PRH1: variants seen among roughly 807,000 people sequenced by gnomAD.
PRH1 encodes proline rich protein HaeIII subfamily 1.
In PRH1, 7 loss-of-function variants were observed where a neutral mutation model predicts 7.9. That is an observed-to-expected ratio of 0.89 (90% CI 0.50 to 1.67). The LOEUF is 1.67. Among genes scored for constraint, PRH1 ranks in the 40% most tolerant of loss-of-function variants. PRH1 has a pLI of 0.00. For synonymous variants in PRH1, 45 were observed against 80.8 expected, an observed-to-expected ratio of 0.56 and a Z score of 2.38; for missense variants, 109 against 223.6, an observed-to-expected ratio of 0.49 and a Z score of 3.27.
At chr12:11,126,745 T>C (rs1165135198) in intron 1 of PRH1, among the ~76,000 whole-genome samples, 1 of 152,214 alleles carries the variant, frequency 6.6e-6, no homozygotes, top group African/African-American at 2.4e-5. Context: ...TAACCAAACA[T>C]TATGTCAAAT....
chr12:11,149,298 CTGA>C (rs1267556117), intron 1 of PRH1, among the ~76,000 whole-genome samples: 1 of 152,142 alleles, frequency 6.6e-6, no homozygotes, highest in Admixed American at 6.5e-5. Context: ...CAGTTCTGCT[CTGA>C]TTTTAGTTAT....
At chr12:11,027,388 C>A (rs369702148) in intron 1 of PRH1, among the ~76,000 whole-genome samples, 7,330 of 88,786 alleles carry the variant, frequency 0.083, no homozygotes, top group East Asian at 0.14. Context: ...GAAAAGAAAT[C>A]AACCTGAGAA....
chr12:11,040,873 G>A (rs553678800), intron 1 of PRH1, among the ~76,000 whole-genome samples: 37 of 152,090 alleles, frequency 2.4e-4, no homozygotes, highest in Non-Finnish European at 5.0e-4. Flanking sequence ...GTACTAAGTG[G>A]TTATTAGCTT....
rs1447599116 is a variant in PRH1, at chr12:11,091,113, C to CATATATATATAT, written n.124-43926_124-43925insATATATATATAT. 5.0e-3 allele frequency among the ~76,000 whole-genome samples: 28 copies of CATATATATATAT among 5,652 alleles called. 3 individuals carry two copies. The highest frequency in any genetic ancestry group is 6.8e-3 in the African/African-American group (26 of 3,832). The allele number at this position is 5,652 out of a possible 152,430, so 3.7% of individuals were successfully genotyped here. A position where few individuals can be genotyped will look rare whatever the true frequency, so the allele number is the denominator to read the frequency against. On this transcript the variant is annotated intron_variant and non_coding_transcript_variant, in intron 1 of 4. Transcript: ENST00000541977. ...ATACACAAATACACACACACACACA[C>CATATATATATAT]ACATATATATATATATATATATATA...
chr12:10,996,871 G>C (rs1565533644), intron 1 of PRH1: 1 of 1,422,112 alleles, frequency 7.0e-7, no homozygotes, highest in East Asian at 2.3e-5. Context: ...GGAAAAACTT[G>C]TGGGAAATAT....
chr12:10,910,296 A>G (rs1949877614), intron 2 of PRH1, among the ~76,000 whole-genome samples: 1 of 152,150 alleles, frequency 6.6e-6, no homozygotes. Flanking sequence ...AAAAATAACT[A>G]ATAATAAAAT....
chr12:11,012,684 G>C (rs1172955925), intron 1 of PRH1, among the ~76,000 whole-genome samples: 1 of 152,086 alleles, frequency 6.6e-6, no homozygotes, highest in Non-Finnish European at 1.5e-5. Context: ...AGCTTCTGGA[G>C]TAGCTGTGAC....
chr12:11,107,421 C>G (rs1445423499), intron 1 of PRH1, among the ~76,000 whole-genome samples: 1 of 152,134 alleles, frequency 6.6e-6, no homozygotes, highest in Non-Finnish European at 1.5e-5. Context: ...CAGAGTTGTA[C>G]AAGCAAGAAT....
chr12:11,031,212 A>G (rs375751426), intron 1 of PRH1: 2 of 1,614,134 alleles, frequency 1.2e-6, no homozygotes, highest in South Asian at 2.2e-5. Flanking sequence ...TCAGCAAAAG[A>G]GATCTTTTGT....
intron 1 of PRH1, chr12:10,986,606 A>G: frequency 1.9e-6 from 3 of 1,614,046 alleles, no homozygotes; most frequent in Non-Finnish European, 2.5e-6. Flanking sequence ...CCCAGGCATT[A>G]TAAGAAGTAA....
intron 1 of PRH1, among the ~76,000 whole-genome samples, chr12:11,004,442 T>C (rs1442117419): frequency 2.0e-5 from 3 of 151,976 alleles, no homozygotes; most frequent in Admixed American, 1.3e-4. Context: ...GAGGCGGAGG[T>C]TGCGGTGAGC....
At chr12:11,124,178 A>G (rs1946019585) in intron 1 of PRH1, among the ~76,000 whole-genome samples, 1 of 152,240 alleles carries the variant, frequency 6.6e-6, no homozygotes, top group African/African-American at 2.4e-5. Context: ...AGGAAACTCA[A>G]TGAGTAGCAC....
At chr12:11,038,310 G>T (rs1278252407) in intron 1 of PRH1, among the ~76,000 whole-genome samples, 1 of 152,154 alleles carries the variant, frequency 6.6e-6, no homozygotes, top group Non-Finnish European at 1.5e-5. Context: ...ACCACACATT[G>T]GCAAGAAAAA....
intron 1 of PRH1, among the ~76,000 whole-genome samples, chr12:11,034,227 T>C (rs1211598985): frequency 2.3e-4 from 9 of 38,542 alleles, no homozygotes; most frequent in Non-Finnish European, 5.4e-5. Context: ...TCTATATTGT[T>C]CCATTGCATG....
chr12:11,104,373 T>G (rs1945348640), intron 1 of PRH1, among the ~76,000 whole-genome samples: 1 of 152,124 alleles, frequency 6.6e-6, no homozygotes, highest in African/African-American at 2.4e-5. Flanking sequence ...GACAATGTAT[T>G]AAAAATAAAG....
rs536198877 is a variant in PRH1, at chr12:11,143,151, T to C, written n.40-21971A>G. Among the ~76,000 whole-genome samples, 14 of 152,182 alleles carry C rather than the reference T, an allele frequency of 9.2e-5. No individual in the cohort carries two copies. The South Asian group carries it at 1.5e-3, about 16-fold the overall frequency. ...ATAGTTCCCGCAACCTTTGAAGATA[T>C]AGACAGCACAATGATATATAAATAG... On this transcript the variant is annotated intron_variant and non_coding_transcript_variant, in intron 1 of 1. Transcript: ENST00000541175.
At chr12:11,002,173 T>C (rs1287846453) in intron 1 of PRH1, among the ~76,000 whole-genome samples, 1 of 152,166 alleles carries the variant, frequency 6.6e-6, no homozygotes, top group Non-Finnish European at 1.5e-5. Flanking sequence ...TTATCCAAAT[T>C]ATTTATGTAA....
intron 1 of PRH1, among the ~76,000 whole-genome samples, chr12:11,108,474 A>G (rs572581241): frequency 3.3e-5 from 5 of 152,314 alleles, no homozygotes; most frequent in African/African-American, 1.2e-4. Flanking sequence ...TACATGGCTC[A>G]TCTCACTGGG....
intron 2 of PRH1, among the ~76,000 whole-genome samples, chr12:10,936,588 A>C (rs925319855): frequency 6.6e-6 from 1 of 152,138 alleles, no homozygotes; most frequent in Admixed American, 6.5e-5. Flanking sequence ...CCCATTCTTT[A>C]TCAAACCCCC....
Sources: gnomAD v4.1 joint callset for allele counts (sites outside exome capture counted in the v4.1 genomes callset) on GRCh38, gnomAD v4.1.1 for gene constraint, MANE v1.5 for transcripts, NCBI Gene and HGNC (gene_info 2026-07-23, HGNC 2026-07-21) for gene names.